The following NXPH1 variants were observed in gnomAD, a reference collection of about 807,000 sequenced individuals.
NXPH1 encodes neurexophilin-1.
In NXPH1, 5 loss-of-function variants were observed where a neutral mutation model predicts 23.7. The ratio of observed to expected loss-of-function variants is 0.21; its 90% confidence interval spans 0.11 to 0.44. The LOEUF (loss-of-function observed/expected upper bound fraction) is 0.44, where lower values mean the gene tolerates loss of function less well. NXPH1 is among the 20% of genes least tolerant of loss of function. NXPH1 has a pLI of 0.99. For synonymous variants in NXPH1, 144 were observed against 122.2 expected (o/e 1.18, Z -1.18); for missense variants, 324 against 321.6 (o/e 1.01, Z -0.06).
chr7:8,569,073 T>C (rs1326145319), intron 2 of NXPH1, among the ~76,000 whole-genome samples: 1 of 151,890 alleles, frequency 6.6e-6, no homozygotes, highest in Non-Finnish European at 1.5e-5. Flanking sequence ...AATTAATGCA[T>C]CAGGTTGCCA....
chr7:8,639,334 A>G (rs1820269818), intron 2 of NXPH1, among the ~76,000 whole-genome samples: 1 of 152,328 alleles, frequency 6.6e-6, no homozygotes, highest in East Asian at 1.9e-4. Context: ...GAGAATGTGT[A>G]GTCAAACAGA....
chr7:8,734,163 T>C (rs974559971), intron 2 of NXPH1, among the ~76,000 whole-genome samples: 1 of 152,226 alleles, frequency 6.6e-6, no homozygotes, highest in Non-Finnish European at 1.5e-5. Flanking sequence ...TTGTCAGGTT[T>C]GTCAAAGATC....
intron 2 of NXPH1, among the ~76,000 whole-genome samples, chr7:8,504,688 T>G (rs557186307): frequency 6.6e-6 from 1 of 151,962 alleles, no homozygotes; most frequent in Non-Finnish European, 1.5e-5. Context: ...CCTAAAGTGA[T>G]GATGTTAGGA....
Position 8,743,135 on chromosome 7 carries a change from G to A in NXPH1, c.55-7873G>A, listed in dbSNP as rs566234114. Among the ~76,000 whole-genome samples the A allele has an allele frequency of 5.9e-5, 9 of 152,026 alleles. No individual in the cohort carries two copies. The South Asian group carries it at 1.9e-3, about 32-fold the overall frequency. On this transcript the variant is annotated intron_variant, in intron 2 of 2. Transcript: ENST00000405863. Reference sequence around the variant, plus strand: ...AAGTTGTAATCATAGAGCAATGTTTGTTTGTTGGTTACTTATTCACCAGTG... The same window carrying A: ...AAGTTGTAATCATAGAGCAATGTTTATTTGTTGGTTACTTATTCACCAGTG...
chr7:8,523,236 C>T (rs967431710), intron 2 of NXPH1, among the ~76,000 whole-genome samples: 2 of 152,160 alleles, frequency 1.3e-5, no homozygotes, highest in African/African-American at 2.4e-5. Context: ...CAGCAGAGAG[C>T]CTATTGTTAC....
chr7:8,477,545 G>A (rs1816997285), intron 2 of NXPH1, among the ~76,000 whole-genome samples: 1 of 152,094 alleles, frequency 6.6e-6, no homozygotes, highest in South Asian at 2.1e-4. Context: ...AGAGAGCTAT[G>A]TAATTAAAAA....
At chr7:8,592,346 A>G (rs953422243) in intron 2 of NXPH1, among the ~76,000 whole-genome samples, 1 of 152,016 alleles carries the variant, frequency 6.6e-6, no homozygotes, top group Admixed American at 6.6e-5. Flanking sequence ...TCAGTTCTCC[A>G]TAATCCATGC....
intron 2 of NXPH1, among the ~76,000 whole-genome samples, chr7:8,449,518 T>C (rs1816468104): frequency 6.6e-6 from 1 of 152,222 alleles, no homozygotes; most frequent in African/African-American, 2.4e-5. Flanking sequence ...TATTAGGTCA[T>C]ATTAATATCT....
intron 2 of NXPH1, among the ~76,000 whole-genome samples, chr7:8,748,013 C>T (rs1780500308): frequency 6.6e-6 from 1 of 152,078 alleles, no homozygotes; most frequent in Non-Finnish European, 1.5e-5. Flanking sequence ...AATATTTTTC[C>T]ATAATGGAAT....
In NXPH1 at chr7:8,728,418, G is replaced by T. The variant is rs193176314; in HGVS notation, c.55-22590G>T. Reference sequence around the variant, plus strand: ...GAGAGGGCATCCCTGTCTTGTGCCAGTTTTCAAAGGGAGTGCTTCCAGTTT... The same window carrying T: ...GAGAGGGCATCCCTGTCTTGTGCCATTTTTCAAAGGGAGTGCTTCCAGTTT... On this transcript the variant is annotated intron_variant, in intron 2 of 2. Transcript: ENST00000405863. Among the ~76,000 whole-genome samples the T allele has an allele frequency of 4.0e-3, 609 of 152,258 alleles. 19 individuals are homozygous for T. The highest frequency in any genetic ancestry group is 0.036 in the Admixed American group (554 of 15,294).
chr7:8,731,528 G>A (rs1039672560), intron 2 of NXPH1, among the ~76,000 whole-genome samples: 4 of 152,176 alleles, frequency 2.6e-5, no homozygotes, highest in Admixed American at 2.0e-4. Flanking sequence ...TGGTGTGGAT[G>A]TCCTTTCTGT....
intron 2 of NXPH1, among the ~76,000 whole-genome samples, chr7:8,547,515 G>A (rs544040483): frequency 1.3e-5 from 2 of 151,506 alleles, no homozygotes; most frequent in African/African-American, 4.8e-5. Flanking sequence ...AGGTGGTACA[G>A]GTGGTACAGG....
At chr7:8,659,445 G>A (rs1441299269) in intron 2 of NXPH1, among the ~76,000 whole-genome samples, 3 of 151,868 alleles carry the variant, frequency 2.0e-5, no homozygotes, top group East Asian at 3.9e-4. Context: ...CTCTCAACTC[G>A]TCTGGAAACC....
rs577236634 is a variant in NXPH1, at chr7:8,616,104, CTTA to C, written c.55-134901_55-134899del. 3.0e-4 allele frequency among the ~76,000 whole-genome samples: 45 copies of C among 152,090 alleles called. No individual in the cohort carries two copies. In the East Asian group the frequency reaches 4.6e-3, roughly 16 times the overall value. Reference sequence around the variant, plus strand: ...CTCACTCAGAATAAATCTCGTAGTTCTTATTTTGTTTTATAGACCCCTATGTGA... The same window carrying C: ...CTCACTCAGAATAAATCTCGTAGTTCTTTTGTTTTATAGACCCCTATGTGA... On this transcript the variant is annotated intron_variant, in intron 2 of 2. Coordinates refer to ENST00000405863, the MANE Select transcript of NXPH1 (RefSeq NM_152745.3).
At chr7:8,727,470 G>T (rs1780076300) in intron 2 of NXPH1, among the ~76,000 whole-genome samples, 1 of 147,174 alleles carries the variant, frequency 6.8e-6, no homozygotes, top group Non-Finnish European at 1.5e-5. Context: ...TATGGTTTTA[G>T]GTCTAACGTT....
intron 2 of NXPH1, among the ~76,000 whole-genome samples, chr7:8,471,150 G>A (rs1479737642): frequency 6.6e-6 from 1 of 152,072 alleles, no homozygotes; most frequent in Non-Finnish European, 1.5e-5. Context: ...GCATTTGAAT[G>A]ACTTATGTGG....
At chr7:8,639,336 TCAAA>T (rs1009215939) in intron 2 of NXPH1, among the ~76,000 whole-genome samples, 23 of 152,250 alleles carry the variant, frequency 1.5e-4, no homozygotes, top group Non-Finnish European at 2.9e-4. Flanking sequence ...GAATGTGTAG[TCAAA>T]CAGATTTTCA....
At chr7:8,646,833 G>T (rs957029769) in intron 2 of NXPH1, among the ~76,000 whole-genome samples, 2 of 149,442 alleles carry the variant, frequency 1.3e-5, no homozygotes, top group African/African-American at 4.9e-5. Context: ...TACTTAATCA[G>T]AGAGCCTCTG....
At chr7:8,496,729 T>G (rs1406549140) in intron 2 of NXPH1, among the ~76,000 whole-genome samples, 2 of 152,042 alleles carry the variant, frequency 1.3e-5, no homozygotes, top group East Asian at 3.9e-4. Context: ...ATGCTTTACT[T>G]TGAGATAACT....
Sources: gnomAD v4.1 joint callset for allele counts (sites outside exome capture counted in the v4.1 genomes callset) on GRCh38, gnomAD v4.1.1 for gene constraint, MANE v1.5 for transcripts, NCBI Gene and HGNC (gene_info 2026-07-23, HGNC 2026-07-21) for gene names.